Variants in PCDHGA7 observed in about 807,000 individuals in gnomAD.
PCDHGA7 encodes protocadherin gamma subfamily A, 7.
Under a neutral mutation model 58.3 loss-of-function variants are expected in PCDHGA7, and 44 were observed. The ratio of observed to expected loss-of-function variants is 0.75; its 90% CI spans 0.59 to 0.97. The LOEUF (loss-of-function observed/expected upper bound fraction) is 0.97. PCDHGA7 is among the 50% of genes least tolerant of loss of function. The pLI, the probability that PCDHGA7 is intolerant of heterozygous loss-of-function variation, is 0.00. For missense variants in PCDHGA7, 1,266 were observed against 1,188.7 expected, an observed-to-expected ratio of 1.06 and a Z score of -0.96; for synonymous variants, 516 against 504.2, an observed-to-expected ratio of 1.02 and a Z score of -0.31.
intron 1 of PCDHGA7, chr5:141,403,552 G>A (rs1228068556): frequency 1.2e-6 from 2 of 1,613,892 alleles, no homozygotes; most frequent in African/African-American, 1.3e-5. Flanking sequence ...AGCGCGCCCT[G>A]GACAGGGAGG....
intron 1 of PCDHGA7, chr5:141,417,732 C>G (rs2096153715): frequency 4.3e-6 from 6 of 1,390,462 alleles, no homozygotes; most frequent in Non-Finnish European, 3.8e-6. Flanking sequence ...AGACCTTGCC[C>G]AGCACACCAG....
In PCDHGA7 at chr5:141,432,916, G is replaced by C; in HGVS notation, c.2424+47593G>C. ...TGCTGGCGCTCAGGCTGCGGCGCTG[G>C]CACAAGTCACGCCTGCTGCAGGCTT... On this transcript the variant is annotated intron_variant, in intron 1 of 3. Coordinates refer to ENST00000518325, the MANE Select transcript of PCDHGA7 (RefSeq NM_018920.4). The surrounding 1 kb of genome is among the most constrained non-coding windows in gnomAD (Gnocchi z 6.0). 1 of 1,614,196 alleles carries C rather than the reference G, an allele frequency of 6.2e-7. No homozygotes were observed. The highest frequency in any genetic ancestry group is 8.5e-7 in the Non-Finnish European group (1 of 1,180,040).
intron 1 of PCDHGA7, chr5:141,388,909 C>T: frequency 6.2e-7 from 1 of 1,613,902 alleles, no homozygotes. Flanking sequence ...AATGACAACG[C>T]CCCAGAAGTG....
chr5:141,421,838 A>G (rs2096604619), intron 1 of PCDHGA7: 1 of 1,613,764 alleles, frequency 6.2e-7, no homozygotes, highest in East Asian at 2.2e-5. Flanking sequence ...CTGGACCGAG[A>G]GAAAGAGGCT....
intron 1 of PCDHGA7, chr5:141,405,045 C>T (rs757899891): frequency 6.2e-7 from 1 of 1,613,918 alleles, no homozygotes. Context: ...GTGGCTGTGG[C>T]AGTCGTCTCC....
Position 141,384,071 on chromosome 5 carries a change from C to T in PCDHGA7, c.1172C>T (p.Pro391Leu). 6.2e-7 allele frequency: 1 copy of T among 1,603,192 alleles called. No individual in the cohort carries two copies. Among genetic ancestry groups the T allele is most frequent in the Non-Finnish European group, 8.5e-7 (1 of 1,174,296 alleles). ...ACCTGCACCATTCCAGAAAACCTAC[C>T]TTTTAAATTAGAAAAATCAATAGAT... Reference protein sequence around the residue: ...EVTCTIPENLPFKLEKSIDNY... With the variant: ...EVTCTIPENLLFKLEKSIDNY... The change falls in exon 1 of 4, where the codon CCT becomes CTT. Residue 391 changes from proline to leucine, a missense_variant. By Grantham distance (98) the Pro-to-Leu change is moderately conservative. Transcript: ENST00000518325.
chr5:141,422,027 C>A, intron 1 of PCDHGA7: 1 of 1,610,650 alleles, frequency 6.2e-7, no homozygotes, highest in Non-Finnish European at 8.5e-7. Context: ...ATGGTTAATG[C>A]AACGGATCCA....
chr5:141,387,276 GAAAGAAAGATA>G (rs2090886505), intron 1 of PCDHGA7, among the ~76,000 whole-genome samples: 1 of 152,142 alleles, frequency 6.6e-6, no homozygotes, highest in Non-Finnish European at 1.5e-5. Context: ...TAGGAACAAT[GAAAGAAAGATA>G]AAATGTATCC....
intron 1 of PCDHGA7, chr5:141,389,691 T>G: frequency 6.2e-7 from 1 of 1,612,564 alleles, no homozygotes; most frequent in Non-Finnish European, 8.5e-7. Context: ...CGCCTGGCTG[T>G]CCTACCACGT....
At chr5:141,492,834 G>T (rs544218873) in intron 1 of PCDHGA7, among the ~76,000 whole-genome samples, 36 of 152,332 alleles carry the variant, frequency 2.4e-4, no homozygotes, top group Non-Finnish European at 4.1e-4. Flanking sequence ...CCTTCCTCCC[G>T]CAGGAAGTGA....
chr5:141,488,441 C>T (rs1320712074), intron 1 of PCDHGA7, among the ~76,000 whole-genome samples: 1 of 152,206 alleles, frequency 6.6e-6, no homozygotes, highest in Non-Finnish European at 1.5e-5. Flanking sequence ...TGACCACCCT[C>T]CTGGGTGACC....
At chr5:141,402,260 A>C (rs2094244604) in intron 1 of PCDHGA7, among the ~76,000 whole-genome samples, 2 of 152,144 alleles carry the variant, frequency 1.3e-5, no homozygotes, top group South Asian at 4.1e-4. Context: ...AACCCCAGAA[A>C]ATAATTTCAA....
chr5:141,394,818 C>T lies in PCDHGA7; in HGVS notation c.2424+9495C>T, dbSNP rs2093105005. On this transcript the variant is annotated intron_variant, in intron 1 of 3. Coordinates refer to ENST00000518325, the MANE Select transcript of PCDHGA7 (RefSeq NM_018920.4). Reference sequence around the variant, plus strand: ...CACCGTAGCCGTGGCTGACAGCATCCCCGAAGTCCTGACCGAGTTGGGCAG... The same window carrying T: ...CACCGTAGCCGTGGCTGACAGCATCTCCGAAGTCCTGACCGAGTTGGGCAG... The T allele has an allele frequency of 5.6e-6, 9 of 1,613,904 alleles. No individual in the cohort carries two copies. Among genetic ancestry groups the T allele is most frequent in the Non-Finnish European group, 7.6e-6 (9 of 1,180,012 alleles).
At chr5:141,410,473 A>G (rs1347318074) in intron 1 of PCDHGA7, 1 of 1,614,028 alleles carries the variant, frequency 6.2e-7, no homozygotes, top group East Asian at 2.2e-5. Context: ...TGTGCATTGC[A>G]CATACGGGTA....
Position 141,485,060 on chromosome 5 carries a change from G to T in PCDHGA7, c.2425-9747G>T. The T allele has an allele frequency of 1.2e-6, 1 of 862,304 alleles. No individual in the cohort carries two copies. 53.4% of individuals were successfully genotyped at this position (862,304 alleles called of 1,614,324 possible). ...ACCCTTGCGGCGCCGGCCGAACCGC[G>T]CCAGAGCTGGCGCGGGGAAAGGGAG... On this transcript the variant is annotated intron_variant, in intron 1 of 3. Coordinates refer to ENST00000518325, the MANE Select transcript of PCDHGA7 (RefSeq NM_018920.4). The surrounding 1 kb of genome is among the most constrained non-coding windows in gnomAD (Gnocchi z 5.7).
intron 1 of PCDHGA7, among the ~76,000 whole-genome samples, chr5:141,472,310 G>A (rs2099276586): frequency 6.6e-6 from 1 of 152,040 alleles, no homozygotes; most frequent in Non-Finnish European, 1.5e-5. Flanking sequence ...GGGAAGCCGA[G>A]GCAGGCAGAT....
chr5:141,505,342 T>C (rs2099845433), intron 2 of PCDHGA7, 51 bp from the exon 3 acceptor site: 1 of 1,612,738 alleles, frequency 6.2e-7, no homozygotes, highest in African/African-American at 1.3e-5. Flanking sequence ...AGGAGGGGCA[T>C]GAGCTGTGCC....
intron 1 of PCDHGA7, among the ~76,000 whole-genome samples, chr5:141,445,945 C>G (rs1433543714): frequency 1.3e-5 from 2 of 152,254 alleles, no homozygotes; most frequent in Non-Finnish European, 2.9e-5. Flanking sequence ...TAAGCTTACT[C>G]TGGCTGCTAT....
chr5:141,399,346 GACCGAGAGCAA>G, intron 1 of PCDHGA7: 1 of 1,613,890 alleles, frequency 6.2e-7, no homozygotes, highest in Non-Finnish European at 8.5e-7. Flanking sequence ...TGGAACCCTA[GACCGAGAGCAA>G]ACCCCGGAGT....
Sources: gnomAD v4.1 joint callset for allele counts (sites outside exome capture counted in the v4.1 genomes callset) on GRCh38, gnomAD v4.1.1 for gene constraint, Gnocchi (gnomAD v3.1) non-coding constraint, MANE v1.5 for transcripts, NCBI Gene and HGNC (gene_info 2026-07-23, HGNC 2026-07-21) for gene names.